Variants in PCSK2 observed in about 807,000 individuals in gnomAD.
The protein encoded by PCSK2 is proprotein convertase subtilisin/kexin type 2.
Under a neutral mutation model 69.7 loss-of-function variants are expected in PCSK2, and 14 were observed. The ratio of observed to expected loss-of-function variants is 0.20; its 90% CI spans 0.13 to 0.31. The LOEUF (loss-of-function observed/expected upper bound fraction) is 0.31, where lower values mean the gene tolerates loss of function less well. Among genes scored for constraint, PCSK2 ranks in the 10% least tolerant of loss-of-function variants. The pLI is 1.00. For missense variants in PCSK2, 544 were observed against 842.5 expected (o/e 0.65, Z 4.39); for synonymous variants, 307 against 320.7 (o/e 0.96, Z 0.46).
At chr20:17,290,940 A>T (rs1048475829) in intron 2 of PCSK2, among the ~76,000 whole-genome samples, 11 of 152,036 alleles carry the variant, frequency 7.2e-5, no homozygotes, top group African/African-American at 2.7e-4. Context: ...CCCCCACGGT[A>T]CCTAAACCAT....
intron 2 of PCSK2, among the ~76,000 whole-genome samples, chr20:17,348,710 G>T (rs1315772819): frequency 6.6e-6 from 1 of 152,210 alleles, no homozygotes; most frequent in African/African-American, 2.4e-5. Flanking sequence ...TCTTTCCTTG[G>T]CCTGTAGATG....
rs549975650 is a variant in PCSK2, at chr20:17,341,779, A to C, written c.283-16548A>C. Among the ~76,000 whole-genome samples the C allele has an allele frequency of 2.0e-5, 3 of 152,336 alleles. No homozygotes were observed. The South Asian group carries it at 6.2e-4, about 32-fold the overall frequency. The stretch of plus-strand genomic sequence containing the variant: ...AAAACTGTTTTTAAGAGGGACAGAC[A>C]CAAGAGTAGAATAACCACATGTGCT... On this transcript the variant is annotated intron_variant, in intron 2 of 11. Transcript: ENST00000262545.
intron 2 of PCSK2, among the ~76,000 whole-genome samples, chr20:17,299,501 T>G (rs560825782): frequency 6.6e-6 from 1 of 152,246 alleles, no homozygotes; most frequent in East Asian, 1.9e-4. Flanking sequence ...ATTTATTCTT[T>G]CAGAAGAATT....
At chr20:17,331,035 C>G (rs926491) in intron 2 of PCSK2, among the ~76,000 whole-genome samples, 151,239 of 152,332 alleles carry the variant, frequency 0.99, 75,079 homozygotes, top group Middle Eastern at 1. Context: ...GGGTAAGCAG[C>G]TGTCTGGCTC....
At chr20:17,237,464 C>G (rs996242376) in intron 1 of PCSK2, among the ~76,000 whole-genome samples, 1 of 152,002 alleles carries the variant, frequency 6.6e-6, no homozygotes, top group African/African-American at 2.4e-5. Flanking sequence ...AAAGAGGAAC[C>G]AGGAGAGGAG....
intron 11 of PCSK2, chr20:17,479,134 T>C: frequency 7.4e-7 from 1 of 1,360,332 alleles, no homozygotes; most frequent in South Asian, 1.2e-5. Flanking sequence ...CATGGTCCAG[T>C]TCTCCCATCT....
chr20:17,465,297 C>T (rs41276388), intron 10 of PCSK2, 29 bp from the exon 11 acceptor site: 58,479 of 1,550,016 alleles, frequency 0.038, 1,439 homozygotes, highest in African/African-American at 0.1. Context: ...TTTGCCCTTG[C>T]CCTCTTGCTC....
intron 1 of PCSK2, among the ~76,000 whole-genome samples, chr20:17,234,177 A>G (rs1287059216): frequency 6.6e-6 from 1 of 152,218 alleles, no homozygotes; most frequent in Non-Finnish European, 1.5e-5. Flanking sequence ...CCAGATCACA[A>G]CAAAAATTGT....
Position 17,369,336 on chromosome 20 carries a change from T to C in PCSK2, c.543+59T>C, listed in dbSNP as rs995492782. On this transcript the variant is annotated intron_variant, in intron 5 of 11. Coordinates refer to ENST00000262545, the MANE Select transcript of PCSK2 (RefSeq NM_002594.5). ...TGCATCTTAAATGTCCTGGTGTCCC[T>C]GGCTATTAGGAACATGCACATGTCT... is the stretch of plus-strand genomic sequence containing the variant. The C allele has an allele frequency of 2.9e-6, 4 of 1,394,292 alleles. No individual in the cohort carries two copies. In the African/African-American group the frequency reaches 5.7e-5, roughly 20 times the overall value. The allele number at this position is 1,394,292 out of a possible 1,614,324, so 86.4% of individuals were successfully genotyped here. A position where few individuals can be genotyped will look rare whatever the true frequency, so the allele number is the denominator to read the frequency against.
At chr20:17,393,712 T>C (rs796191824) in intron 5 of PCSK2, among the ~76,000 whole-genome samples, 8 of 152,352 alleles carry the variant, frequency 5.3e-5, no homozygotes, top group African/African-American at 1.9e-4. Context: ...CTCTATTTTA[T>C]CTCTAGTGTC....
At chr20:17,229,225 G>T (rs1986052730) in intron 1 of PCSK2, among the ~76,000 whole-genome samples, 1 of 151,782 alleles carries the variant, frequency 6.6e-6, no homozygotes, top group African/African-American at 2.4e-5. Flanking sequence ...TTCAGAAAAG[G>T]GTGCGAGATA....
At chr20:17,439,262 A>G (rs1009160156) in intron 8 of PCSK2, among the ~76,000 whole-genome samples, 17 of 151,942 alleles carry the variant, frequency 1.1e-4, no homozygotes, top group Non-Finnish European at 5.9e-5. Context: ...CAGCCTCCAG[A>G]GTGGCTGGGA....
intron 2 of PCSK2, among the ~76,000 whole-genome samples, chr20:17,277,255 T>A (rs1318329444): frequency 6.6e-6 from 1 of 152,128 alleles, no homozygotes; most frequent in Non-Finnish European, 1.5e-5. Context: ...GAGCCTGCAT[T>A]GCCAAGTCAA....
chr20:17,282,762 A>T (rs911967778), intron 2 of PCSK2, among the ~76,000 whole-genome samples: 1 of 152,010 alleles, frequency 6.6e-6, no homozygotes, highest in African/African-American at 2.4e-5. Context: ...AAAAAAAAAA[A>T]GAAAGGGTTA....
intron 10 of PCSK2, chr20:17,463,650 C>G (rs986501401): frequency 4.6e-5 from 7 of 150,850 alleles, no homozygotes; most frequent in African/African-American, 1.7e-4. Context: ...TAATGCTATC[C>G]CTCCCCATCC....
At chr20:17,365,198 G>A (rs1476308496) in intron 4 of PCSK2, among the ~76,000 whole-genome samples, 1 of 152,122 alleles carries the variant, frequency 6.6e-6, no homozygotes, top group African/African-American at 2.4e-5. Flanking sequence ...ATGGCCCCTT[G>A]TTGCTCCATC....
At chr20:17,386,228 T>C (rs1331497743) in intron 5 of PCSK2, among the ~76,000 whole-genome samples, 2 of 152,054 alleles carry the variant, frequency 1.3e-5, no homozygotes, top group African/African-American at 2.4e-5. Flanking sequence ...ATAAAGCATA[T>C]CCAAGAAAGA....
rs143362731 is a variant in PCSK2 at position 17,259,424 on chromosome 20, A to G, written c.178-816A>G. ...TCAAGCCCCTATATTTATACAGAAG[A>G]GAAAAAGATGCCCAGAGAGGAAACC... is the stretch of plus-strand genomic sequence containing the variant. On this transcript the variant is annotated intron_variant, in intron 1 of 11. Transcript: ENST00000262545. 2.1e-3 allele frequency among the ~76,000 whole-genome samples: 314 copies of G among 152,330 alleles called. 2 individuals carry two copies. Among genetic ancestry groups the G allele is most frequent in the African/African-American group, 7.2e-3 (300 of 41,574 alleles).
intron 1 of PCSK2, among the ~76,000 whole-genome samples, chr20:17,231,569 A>G (rs1449115812): frequency 6.6e-6 from 1 of 152,208 alleles, no homozygotes; most frequent in Non-Finnish European, 1.5e-5. Flanking sequence ...TAGAAATGGA[A>G]TTGTTGAGTA....
Sources: gnomAD v4.1 joint callset for allele counts (sites outside exome capture counted in the v4.1 genomes callset) on GRCh38, gnomAD v4.1.1 for gene constraint, MANE v1.5 for transcripts, NCBI Gene and HGNC (gene_info 2026-07-23, HGNC 2026-07-21) for gene names.